NTAQ1: variants seen among roughly 807,000 people sequenced by gnomAD.
NTAQ1 encodes N-terminal glutamine amidase 1.
A neutral mutation model predicts 28.2 loss-of-function variants in NTAQ1; 21 were observed. The observed-to-expected ratio is 0.74, with a 90% CI of 0.53 to 1.07. NTAQ1 has a LOEUF of 1.07. NTAQ1 is among the 50% of genes least tolerant of loss of function. The pLI is 0.00. For synonymous variants in NTAQ1, 105 were observed against 90.0 expected (o/e 1.17, Z -0.94); for missense variants, 264 against 256.6 (o/e 1.03, Z -0.20).
intron 5 of NTAQ1, chr8:123,438,037 T>C (rs1397382800): frequency 3.2e-6 from 2 of 621,758 alleles, no homozygotes; most frequent in African/African-American, 3.7e-5. Flanking sequence ...TTATGATGTG[T>C]GAAATGTCAC....
intron 6 of NTAQ1, among the ~76,000 whole-genome samples, chr8:123,460,905 C>T (rs368998900): frequency 1.3e-5 from 2 of 152,164 alleles, no homozygotes; most frequent in African/African-American, 2.4e-5. Context: ...GTTGAGGAGG[C>T]GTGCCGTCTG....
chr8:123,428,534 C>A (rs954773965), intron 2 of NTAQ1, among the ~76,000 whole-genome samples: 15 of 152,056 alleles, frequency 9.9e-5, no homozygotes, highest in African/African-American at 3.6e-4. Flanking sequence ...ATGTGATGGT[C>A]TACGCAGATA....
At chr8:123,424,442 C>G (rs1027485402) in intron 1 of NTAQ1, among the ~76,000 whole-genome samples, 13 of 152,136 alleles carry the variant, frequency 8.5e-5, no homozygotes, top group Admixed American at 8.5e-4. Flanking sequence ...CGGGGTTTCA[C>G]TATGTTGGCC....
At chr8:123,424,934 C>T (rs1323558844) in intron 1 of NTAQ1, among the ~76,000 whole-genome samples, 10 of 152,106 alleles carry the variant, frequency 6.6e-5, no homozygotes, top group African/African-American at 2.4e-4. Flanking sequence ...GTATTTTGTA[C>T]ATTATAAGCT....
At chr8:123,456,292 T>C (rs1384528809) in intron 6 of NTAQ1, among the ~76,000 whole-genome samples, 1 of 152,172 alleles carries the variant, frequency 6.6e-6, no homozygotes, top group Non-Finnish European at 1.5e-5. Context: ...TTTTTGTTGT[T>C]GTTGTTATTT....
chr8:123,418,911 C>T (rs529117995), intron 1 of NTAQ1, among the ~76,000 whole-genome samples: 52 of 152,282 alleles, frequency 3.4e-4, no homozygotes, highest in African/African-American at 1.1e-3. Flanking sequence ...CCACTAGATA[C>T]TGTTAGCACC....
downstream of NTAQ1, among the ~76,000 whole-genome samples, chr8:123,449,701 C>T (rs13266673): frequency 0.36 from 54,347 of 150,388 alleles, 9,932 homozygotes; most frequent in East Asian, 0.56. Flanking sequence ...AGGAGTTTTA[C>T]TGGGGGCATG....
chr8:123,421,849 C>T (rs112683552), intron 1 of NTAQ1, among the ~76,000 whole-genome samples: 2 of 148,614 alleles, frequency 1.3e-5, no homozygotes, highest in African/African-American at 2.4e-5. Flanking sequence ...CCACCACACC[C>T]GGCTAATTTT....
chr8:123,437,733 A>G (rs916867257), intron 5 of NTAQ1, among the ~76,000 whole-genome samples: 3 of 150,318 alleles, frequency 2.0e-5, no homozygotes. Context: ...AACAAAAAAC[A>G]AAAAATTCCA....
chr8:123,453,350 A>G (rs1011313862), intron 6 of NTAQ1, among the ~76,000 whole-genome samples: 1 of 151,958 alleles, frequency 6.6e-6, no homozygotes, highest in Admixed American at 6.6e-5. Context: ...AATTATTTTG[A>G]GGCTCAAATG....
chr8:123,440,925 T>C (rs564390650), intron 5 of NTAQ1, among the ~76,000 whole-genome samples: 1 of 152,290 alleles, frequency 6.6e-6, no homozygotes, highest in Non-Finnish European at 1.5e-5. Flanking sequence ...ATGAATTATT[T>C]CTAGCCCTGT....
chr8:123,443,150 GCTGGGATTACAGGTGTGTACCACCA>G (rs1479761736), downstream of NTAQ1, among the ~76,000 whole-genome samples: 1 of 152,094 alleles, frequency 6.6e-6, no homozygotes. Flanking sequence ...CTCCCGAGTA[GCTGGGATTACAGGTGTGTACCACCA>G]TGCCCAGCTA....
chr8:123,432,359 G>T (rs1031668652), intron 3 of NTAQ1, among the ~76,000 whole-genome samples: 2 of 152,008 alleles, frequency 1.3e-5, no homozygotes, highest in African/African-American at 4.8e-5. Context: ...ATAATTTCAG[G>T]TTGGGCGTGG....
downstream of NTAQ1, among the ~76,000 whole-genome samples, chr8:123,444,317 C>T (rs890134470): frequency 4.0e-5 from 6 of 151,662 alleles, no homozygotes; most frequent in African/African-American, 1.5e-4. Context: ...CTCCTGCCTC[C>T]GCTTCCTGAG....
chr8:123,429,534 T>G (rs1563886602), intron 2 of NTAQ1, among the ~76,000 whole-genome samples: 2 of 152,052 alleles, frequency 1.3e-5, no homozygotes, highest in Non-Finnish European at 2.9e-5. Flanking sequence ...ATGGCACCTG[T>G]GAGTAGCCAC....
chr8:123,469,868 C>T (rs1816024670), exon 7 of NTAQ1, among the ~76,000 whole-genome samples: 1 of 152,212 alleles, frequency 6.6e-6, no homozygotes, highest in Non-Finnish European at 1.5e-5. Flanking sequence ...CATCAACAAA[C>T]ATGTATTGCC....
chr8:123,417,042 C>T (rs1434179745), intron 1 of NTAQ1, 110 bp downstream of exon 1: 1 of 1,125,296 alleles, frequency 8.9e-7, no homozygotes, highest in Non-Finnish European at 1.2e-6. Flanking sequence ...CGGCCTCTAC[C>T]GGCGGGTTCT....
At chr8:123,449,974 T>TATATATATGA (rs371673968), downstream of NTAQ1, among the ~76,000 whole-genome samples, 301 of 56,102 alleles carry the variant, frequency 5.4e-3, 75 homozygotes, top group South Asian at 0.034. Context: ...TATATATATA[T>TATATATATGA]GCTGGATAAA....
intron 6 of NTAQ1, among the ~76,000 whole-genome samples, chr8:123,466,644 G>T (rs1047814586): frequency 2.6e-5 from 4 of 152,132 alleles, no homozygotes; most frequent in Non-Finnish European, 4.4e-5. Flanking sequence ...TTCTCCTGCT[G>T]CCCCTCCTCC....
Sources: allele counts gnomAD v4.1 joint callset (sites outside exome capture counted in the v4.1 genomes callset), GRCh38; gene constraint gnomAD v4.1.1; transcripts MANE v1.5; gene names NCBI Gene and HGNC (gene_info 2026-07-23, HGNC 2026-07-21).